The following GPR34 variants were observed in gnomAD, a reference collection of about 807,000 sequenced individuals.
The protein encoded by GPR34 is probable G protein-coupled receptor 34.
GPR34 carries 3 observed loss-of-function variants against 14.1 expected under a neutral mutation model. That is an observed-to-expected ratio of 0.21 (90% CI 0.10 to 0.55). The LOEUF is 0.55. Among genes scored for constraint, GPR34 ranks in the 20% least tolerant of loss-of-function variants. The pLI is 0.94. For synonymous variants in GPR34, 99 were observed against 99.9 expected, an observed-to-expected ratio of 0.99 and a Z score of 0.05; for missense variants, 213 against 292.8, an observed-to-expected ratio of 0.73 and a Z score of 1.99.
rs201118748 is a variant in GPR34 at position 41,695,832 on chromosome X, G to A, written c.199G>A (p.Val67Met). 10 of 1,201,407 alleles carry A rather than the reference G, an allele frequency of 8.3e-6. No individual in the cohort carries two copies. The South Asian group carries it at 8.8e-5, about 11-fold the overall frequency. Reference sequence around the variant, plus strand: ...CACATCCTACTCTGTTATTTTCATCGTGGGACTGGTTGGGAACATAATCGC... The same window carrying A: ...CACATCCTACTCTGTTATTTTCATCATGGGACTGGTTGGGAACATAATCGC... ...LTTSYSVIFIVGLVGNIIALY... is the reference protein window; with the variant it reads ...LTTSYSVIFIMGLVGNIIALY... Residue 67 changes from valine to methionine, a missense_variant, in exon 3 of 3, where the codon GTG becomes ATG. Val to Met is a conservative substitution (Grantham distance 21). Coordinates refer to ENST00000378142, the MANE Select transcript of GPR34 (RefSeq NM_001097579.2).
At position 41,695,787 on chromosome X, in the gene GPR34, T is replaced by A; in HGVS notation, c.154T>A (p.Leu52Met). The change falls in exon 3 of 3, where the codon TTG (leucine) becomes ATG (methionine). Residue 52 changes from leucine to methionine, a missense_variant. Physicochemically the swap from Leu to Met is conservative, Grantham distance 15 (BLOSUM62 2). Coordinates refer to ENST00000378142, the MANE Select transcript of GPR34 (RefSeq NM_001097579.2). The part of the protein sequence containing the change: ...NVTTCPMDEK[L>M]LSTVLTTSYS... The stretch of plus-strand genomic sequence containing the variant: ...TACTACCTGTCCCATGGATGAAAAA[T>A]TGCTATCTACTGTGTTAACCACATC... 8.3e-7 allele frequency: 1 copy of A among 1,209,908 alleles called. No individual in the cohort carries two copies. The highest frequency in any genetic ancestry group is 1.1e-6 in the Non-Finnish European group (1 of 893,888).
At chrX:41,694,150 G>T (rs2067634202) in intron 2 of GPR34, among the ~76,000 whole-genome samples, 1 of 112,195 alleles carries the variant, frequency 8.9e-6, no homozygotes, top group South Asian at 3.7e-4. Flanking sequence ...TTAATCAAAA[G>T]GTGTTTATTA....
chrX:41,690,470 C>T (rs1235108484), intron 2 of GPR34, among the ~76,000 whole-genome samples: 1 of 109,196 alleles, frequency 9.2e-6, no homozygotes, highest in East Asian at 2.8e-4. Flanking sequence ...CCTCAGCCTC[C>T]GGAGTAGCTG....
At chrX:41,690,373 C>G (rs2067523145) in intron 2 of GPR34, among the ~76,000 whole-genome samples, 1 of 110,044 alleles carries the variant, frequency 9.1e-6, no homozygotes, top group South Asian at 3.9e-4. Context: ...TTGAGACAGA[C>G]TCTCGCTCTG....
At chrX:41,693,165 A>G (rs1337352030) in intron 2 of GPR34, among the ~76,000 whole-genome samples, 1 of 111,319 alleles carries the variant, frequency 9.0e-6, no homozygotes, top group East Asian at 2.8e-4. Flanking sequence ...CTTGTGCCTC[A>G]ATTCCCTGAA....
In GPR34 at chrX:41,695,724, G is replaced by A. The variant is rs1325343385; in HGVS notation, c.91G>A (p.Asp31Asn). 5 of 1,204,690 alleles carry A rather than the reference G, an allele frequency of 4.2e-6. No homozygotes were observed. The South Asian group carries it at 5.3e-5, about 13-fold the overall frequency. ...AATGCGCTTTATAACCAATCATAGC[G>A]ACCAACCGCCACAAAACTTCTCAGC... is the stretch of plus-strand genomic sequence containing the variant. Reference protein sequence around the residue: ...HRMRFITNHSDQPPQNFSATP... With the variant: ...HRMRFITNHSNQPPQNFSATP... Residue 31 changes from aspartate to asparagine, a missense_variant, in exon 3 of 3, where the codon GAC becomes AAC. By Grantham distance (23) the Asp-to-Asn change is conservative. Transcript: ENST00000378142.
chrX:41,697,060 A>T lies in GPR34; in HGVS notation c.*281A>T. The T allele has an allele frequency of 4.5e-6, 1 of 221,339 alleles. No individual in the cohort carries two copies. Among genetic ancestry groups the T allele is most frequent in the Non-Finnish European group, 8.6e-6 (1 of 115,880 alleles). The allele number at this position is 221,339 out of a possible 1,213,427, so 18.2% of individuals were successfully genotyped here. A position where few individuals can be genotyped will look rare whatever the true frequency, so the allele number is the denominator to read the frequency against. ...AACAGCAAAATAATTAAAGTGCCAT[A>T]GTTTCTCAAGTGACTAAAGTAGTTA... is the stretch of plus-strand genomic sequence containing the variant. On this transcript the variant is annotated 3_prime_UTR_variant, in exon 3 of 3. Transcript: ENST00000378142.
chrX:41,692,691 T>C (rs951756425), intron 2 of GPR34, among the ~76,000 whole-genome samples: 7 of 112,238 alleles, frequency 6.2e-5, no homozygotes, highest in African/African-American at 2.3e-4. Context: ...ATTTGGTCCA[T>C]GGCCTTTTCT....
At chrX:41,694,533 G>A (rs1026304863) in intron 2 of GPR34, among the ~76,000 whole-genome samples, 1 of 112,147 alleles carries the variant, frequency 8.9e-6, no homozygotes, top group African/African-American at 3.2e-5. Context: ...CTATCTCTTC[G>A]AAGGTTCTAG....
Position 41,693,754 on chromosome X carries a change from G to A in GPR34, c.-79-1801G>A, listed in dbSNP as rs756083673. On this transcript the variant is annotated intron_variant, in intron 2 of 2. Transcript: ENST00000378142. Reference sequence around the variant, plus strand: ...GACAGACTAGACTCAGTCCTTCCCCGCTCCCTTCCTTTCTCCCTCCACTTT... The same window carrying A: ...GACAGACTAGACTCAGTCCTTCCCCACTCCCTTCCTTTCTCCCTCCACTTT... Among the ~76,000 whole-genome samples the A allele has an allele frequency of 2.4e-3, 265 of 111,516 alleles. 1 individual carries two copies. Among genetic ancestry groups the A allele is most frequent in the Non-Finnish European group, 4.5e-3 (241 of 53,051 alleles).
chrX:41,695,186 A>C (rs1445075286), intron 2 of GPR34, among the ~76,000 whole-genome samples: 1 of 112,140 alleles, frequency 8.9e-6, no homozygotes, highest in Non-Finnish European at 1.9e-5. Flanking sequence ...TAGAGCATGA[A>C]ACTCCATGAG....
chrX:41,695,482 A>G (rs1322241860), intron 2 of GPR34, 73 bp from the exon 3 acceptor site: 2 of 449,711 alleles, frequency 4.4e-6, no homozygotes, highest in East Asian at 3.7e-5. Flanking sequence ...AGCCCAGCCT[A>G]TTATTTACAC....
At chrX:41,690,310 C>T (rs770569696) in intron 2 of GPR34, among the ~76,000 whole-genome samples, 1 of 105,045 alleles carries the variant, frequency 9.5e-6, no homozygotes, top group Non-Finnish European at 1.9e-5. Context: ...AAACAGTCAC[C>T]AAGTTTAAAA....
chrX:41,693,780 C>G (rs1480319780), intron 2 of GPR34, among the ~76,000 whole-genome samples: 2 of 111,664 alleles, frequency 1.8e-5, no homozygotes, highest in Admixed American at 1.9e-4. Flanking sequence ...CCTCCACTTT[C>G]CTGAATTCTG....
chrX:41,693,440 C>A (rs2067616192), intron 2 of GPR34, among the ~76,000 whole-genome samples: 1 of 110,436 alleles, frequency 9.1e-6, no homozygotes, highest in Admixed American at 9.7e-5. Flanking sequence ...GTGGTGAAAC[C>A]CCATCTCTAC....
intron 2 of GPR34, among the ~76,000 whole-genome samples, chrX:41,693,341 T>C (rs955870420): frequency 1.8e-5 from 2 of 111,529 alleles, no homozygotes; most frequent in Non-Finnish European, 3.8e-5. Flanking sequence ...AGGTTGGGCA[T>C]AGTGGCTCAC....
At position 41,695,651 on chromosome X, in the gene GPR34, AACAAT is replaced by A. The variant is rs1193301824; in HGVS notation, c.19_23del (p.Thr7AspfsTer22). On this transcript the variant is annotated frameshift_variant, in exon 3 of 3. Transcript: ENST00000378142. LOFTEE classifies it high-confidence loss of function. ...AGAAGACAATGAGAAGTCATACCATAACAATGACGACAACTTCAGTCAGCAGCTGG... is the reference window on the plus strand; with the variant it reads ...AGAAGACAATGAGAAGTCATACCATAGACGACAACTTCAGTCAGCAGCTGG... 1 of 1,197,832 alleles carries A rather than the reference AACAAT, an allele frequency of 8.3e-7. No homozygotes were observed. Among genetic ancestry groups the A allele is most frequent in the Non-Finnish European group, 1.1e-6 (1 of 885,197 alleles).
chrX:41,689,246 C>G (rs1364335428), intron 1 of GPR34, among the ~76,000 whole-genome samples, 162 bp downstream of exon 1: 1 of 111,720 alleles, frequency 9.0e-6, no homozygotes, highest in Non-Finnish European at 1.9e-5. Context: ...TGAATGACAC[C>G]TCTGCCTTGA....
chrX:41,694,100 A>G (rs1368185149), intron 2 of GPR34, among the ~76,000 whole-genome samples: 1 of 112,064 alleles, frequency 8.9e-6, no homozygotes, highest in African/African-American at 3.2e-5. Flanking sequence ...CCTTTCCCAC[A>G]CAGTACTTAG....
Sources: allele counts gnomAD v4.1 joint callset (sites outside exome capture counted in the v4.1 genomes callset), GRCh38; gene constraint gnomAD v4.1.1; transcripts MANE v1.5; gene names NCBI Gene and HGNC (gene_info 2026-07-23, HGNC 2026-07-21).